Variants in FAM193A observed in about 807,000 individuals in gnomAD.
The protein encoded by FAM193A is family with sequence similarity 193 member A, also known as protein FAM193A.
FAM193A carries 22 observed loss-of-function variants against 126.5 expected under a neutral mutation model. That is an observed-to-expected ratio of 0.17 (90% CI 0.12 to 0.25). The LOEUF (loss-of-function observed/expected upper bound fraction) is 0.25. Ranked by LOEUF, FAM193A falls within the 10% of genes least tolerant of loss-of-function variation. The pLI is 1.00. For synonymous variants in FAM193A, 761 were observed against 646.8 expected (o/e 1.18, Z -2.68); for missense variants, 1,675 against 1,672.8 (o/e 1.00, Z -0.02).
intron 7 of FAM193A, among the ~76,000 whole-genome samples, chr4:2,648,219 C>G (rs1322378189): frequency 6.6e-6 from 1 of 152,208 alleles, no homozygotes; most frequent in East Asian, 1.9e-4. Context: ...GCATCAGCTT[C>G]AGTGGAGTAA....
chr4:2,625,872 C>T (rs1465127678), intron 3 of FAM193A, among the ~76,000 whole-genome samples: 3 of 152,042 alleles, frequency 2.0e-5, no homozygotes, highest in Non-Finnish European at 4.4e-5. Context: ...TACAGGCGCG[C>T]ACCACCATGT....
chr4:2,728,925 T>A (rs1278718308), intron 20 of FAM193A, among the ~76,000 whole-genome samples: 3 of 82,446 alleles, frequency 3.6e-5, no homozygotes, highest in Non-Finnish European at 8.0e-5. Flanking sequence ...TTTTTTTTGG[T>A]GGGAGCACAA....
intron 12 of FAM193A, among the ~76,000 whole-genome samples, chr4:2,668,770 C>G (rs1713435696): frequency 6.6e-6 from 1 of 151,960 alleles, no homozygotes; most frequent in Admixed American, 6.6e-5. Flanking sequence ...GCCTTCTTTT[C>G]TTTCTTTTCC....
At position 2,702,992 on chromosome 4, in the gene FAM193A, C is replaced by G. The variant is rs182131481; in HGVS notation, c.4372+2448C>G. The stretch of plus-strand genomic sequence containing the variant: ...CTCTTTTTTTTTAATCTGTTCCCAC[C>G]CACTCCCTGTAGGTAACTAATCAGT... On this transcript the variant is annotated intron_variant, in intron 19 of 20. Coordinates refer to ENST00000637812, the MANE Select transcript of FAM193A (RefSeq NM_001366318.2). 5.6e-3 allele frequency among the ~76,000 whole-genome samples: 857 copies of G among 152,126 alleles called. 7 individuals carry two copies. The highest frequency in any genetic ancestry group is 8.2e-3 in the Non-Finnish European group (561 of 68,014).
At chr4:2,547,113 C>T (rs945448583) in intron 1 of FAM193A, among the ~76,000 whole-genome samples, 9 of 151,924 alleles carry the variant, frequency 5.9e-5, no homozygotes, top group Non-Finnish European at 8.8e-5. Flanking sequence ...GTGGGCTGGG[C>T]GTGGTGGCTC....
chr4:2,661,030 TAG>T (rs1323772089), intron 10 of FAM193A, among the ~76,000 whole-genome samples: 1 of 151,748 alleles, frequency 6.6e-6, no homozygotes, highest in African/African-American at 2.4e-5. Flanking sequence ...TAAACATATA[TAG>T]CCTAATGAAA....
At chr4:2,575,344 G>T (rs1739525573) in intron 1 of FAM193A, among the ~76,000 whole-genome samples, 1 of 152,202 alleles carries the variant, frequency 6.6e-6, no homozygotes, top group African/African-American at 2.4e-5. Context: ...CTCAGTCAGG[G>T]CCAGGCTTGA....
intron 20 of FAM193A, among the ~76,000 whole-genome samples, chr4:2,731,217 A>AC (rs1721349678): frequency 7.9e-6 from 1 of 126,930 alleles, no homozygotes. Context: ...AAAAAAAAAA[A>AC]AAAAAAACCG....
At chr4:2,674,586 G>A (rs1435155427) in intron 13 of FAM193A, among the ~76,000 whole-genome samples, 1 of 152,026 alleles carries the variant, frequency 6.6e-6, no homozygotes, top group African/African-American at 2.4e-5. Flanking sequence ...GCTGTGCTGG[G>A]GTCACAGTTT....
At chr4:2,542,441 G>A (rs973571346) in intron 1 of FAM193A, among the ~76,000 whole-genome samples, 11 of 152,174 alleles carry the variant, frequency 7.2e-5, no homozygotes, top group Admixed American at 5.9e-4. Context: ...ACTGCACCTG[G>A]CCGATATTTT....
In FAM193A at chr4:2,638,433, T is replaced by G. The variant is rs1744302520; in HGVS notation, c.1039-1302T>G. On this transcript the variant is annotated intron_variant, in intron 5 of 20. Coordinates refer to ENST00000637812, the MANE Select transcript of FAM193A (RefSeq NM_001366318.2). ...GGTCTCCTGCCACGTGCATTTTTCC[T>G]GTACCGAGTGTGCTTGCTCTGAGAT... is the stretch of plus-strand genomic sequence containing the variant. Among the ~76,000 whole-genome samples, 4 of 152,234 alleles carry G rather than the reference T, an allele frequency of 2.6e-5. No homozygotes were observed. The South Asian group carries it at 8.3e-4, about 32-fold the overall frequency.
chr4:2,573,513 C>CAA (rs1353276813), intron 1 of FAM193A, among the ~76,000 whole-genome samples: 1,344 of 73,896 alleles, frequency 0.018, 24 homozygotes, highest in African/African-American at 0.059. Flanking sequence ...ACTCTGTCTT[C>CAA]AAAAAAAAAA....
chr4:2,551,106 T>C (rs1737896264), intron 1 of FAM193A, among the ~76,000 whole-genome samples: 1 of 152,188 alleles, frequency 6.6e-6, no homozygotes, highest in African/African-American at 2.4e-5. Context: ...CATTTATTTT[T>C]TAATTGCTAG....
In FAM193A at chr4:2,665,523, T is replaced by C. The variant is rs747030585; in HGVS notation, c.2079+2235T>C. Among the ~76,000 whole-genome samples, 106 of 152,344 alleles carry C rather than the reference T, an allele frequency of 7.0e-4. 1 individual carries two copies. The highest frequency in any genetic ancestry group is 6.0e-4 in the Non-Finnish European group (41 of 68,026). ...TTTTTCTTTCCTTCCTTTCTTCTTT[T>C]TAAGAAACAGAATCTCACTCTGTCA... On this transcript the variant is annotated intron_variant, in intron 12 of 20. Transcript: ENST00000637812.
At position 2,708,607 on chromosome 4, in the gene FAM193A, C is replaced by T. The variant is rs992789168; in HGVS notation, c.4373-7416C>T. 4.0e-5 allele frequency among the ~76,000 whole-genome samples: 6 copies of T among 151,898 alleles called. No homozygotes were observed. The South Asian group carries it at 8.3e-4, about 21-fold the overall frequency. ...CCTCCCAAGTAGCTGGGATTACAGGCGCACACCACCATGCCCAGCTAGTTT... is the reference window on the plus strand; with the variant it reads ...CCTCCCAAGTAGCTGGGATTACAGGTGCACACCACCATGCCCAGCTAGTTT... On this transcript the variant is annotated intron_variant, in intron 19 of 20. Coordinates refer to ENST00000637812, the MANE Select transcript of FAM193A (RefSeq NM_001366318.2).
chr4:2,625,123 G>C (rs1189488329), intron 2 of FAM193A, 139 bp from the exon 3 acceptor site: 1 of 571,308 alleles, frequency 1.8e-6, no homozygotes, highest in Non-Finnish European at 3.1e-6. Flanking sequence ...GTGAGCCACT[G>C]TATCTGGCCA....
At chr4:2,591,017 A>G (rs896581638) in intron 1 of FAM193A, among the ~76,000 whole-genome samples, 10 of 148,662 alleles carry the variant, frequency 6.7e-5, no homozygotes, top group Admixed American at 1.4e-4. Flanking sequence ...ACAGAGCAAG[A>G]CTCCCTCTCA....
chr4:2,667,925 A>T (rs1713310584), intron 12 of FAM193A, among the ~76,000 whole-genome samples: 1 of 152,064 alleles, frequency 6.6e-6, no homozygotes, highest in South Asian at 2.1e-4. Context: ...TTTCTTAGAG[A>T]CAGGGTCTTG....
intron 4 of FAM193A, among the ~76,000 whole-genome samples, chr4:2,629,054 G>C (rs1015014570): frequency 2.0e-5 from 3 of 151,860 alleles, no homozygotes; most frequent in Admixed American, 6.6e-5. Flanking sequence ...GGGTTTCACC[G>C]TGTTAGCCAG....
Sources: allele counts gnomAD v4.1 joint callset (sites outside exome capture counted in the v4.1 genomes callset), GRCh38; gene constraint gnomAD v4.1.1; transcripts MANE v1.5; gene names NCBI Gene and HGNC (gene_info 2026-07-23, HGNC 2026-07-21).